ZNF790: variants seen among roughly 807,000 people sequenced by gnomAD.
ZNF790 encodes the protein zinc finger protein 790.
ZNF790 carries 8 observed loss-of-function variants against 12.1 expected under a neutral mutation model. The ratio of observed to expected loss-of-function variants is 0.66; its 90% confidence interval spans 0.39 to 1.19. The LOEUF (loss-of-function observed/expected upper bound fraction) is 1.19. Among genes scored for constraint, ZNF790 ranks in the 50% most tolerant of loss-of-function variants. The pLI, the probability that ZNF790 is intolerant of heterozygous loss-of-function variation, is 0.01. For synonymous variants in ZNF790, 252 were observed against 244.3 expected (o/e 1.03, Z -0.29); for missense variants, 707 against 752.2 (o/e 0.94, Z 0.70).
At chr19:36,839,096 T>C (rs1322905005), upstream of ZNF790, among the ~76,000 whole-genome samples, 1 of 152,250 alleles carries the variant, frequency 6.6e-6, no homozygotes, top group Non-Finnish European at 1.5e-5. Context: ...TATAGTAACA[T>C]TAGTACTGTT....
chr19:36,844,025 A>T (rs74674392), intron 1 of ZNF790, among the ~76,000 whole-genome samples: 5,321 of 130,836 alleles, frequency 0.041, 290 homozygotes, highest in African/African-American at 0.16. Context: ...AAAAAAAATT[A>T]AAAAAAAAAA....
intron 1 of ZNF790, among the ~76,000 whole-genome samples, chr19:36,832,975 T>TAAAA (rs763094890): frequency 7.4e-6 from 1 of 134,678 alleles, no homozygotes; most frequent in Non-Finnish European, 1.6e-5. Flanking sequence ...AGACCTTCTC[T>TAAAA]AAAAAAAAAA....
chr19:36,820,553 CA>C (rs1217034439), intron 4 of ZNF790, among the ~76,000 whole-genome samples: 1 of 152,134 alleles, frequency 6.6e-6, no homozygotes, highest in Admixed American at 6.5e-5. Context: ...ATCTCAATAG[CA>C]GGGTATGCTG....
At chr19:36,826,193 A>G (rs1568337333) in intron 1 of ZNF790, among the ~76,000 whole-genome samples, 1 of 152,136 alleles carries the variant, frequency 6.6e-6, no homozygotes, top group Admixed American at 6.6e-5. Context: ...TTTCATTGAC[A>G]GTGAGCATCA....
chr19:36,823,010 T>C (rs79704433), intron 4 of ZNF790, among the ~76,000 whole-genome samples: 4,722 of 152,152 alleles, frequency 0.031, 213 homozygotes, highest in African/African-American at 0.089. Flanking sequence ...CCGACATGCC[T>C]GGCTAATTTT....
At chr19:36,850,202 G>C (rs964498413) in exon 1 of ZNF790, 3 of 152,226 alleles carry the variant, frequency 2.0e-5, no homozygotes, top group African/African-American at 7.2e-5. Context: ...TGGTCACTGC[G>C]GCCAGACTGC....
At chr19:36,835,145 C>T (rs368135379) in intron 1 of ZNF790, among the ~76,000 whole-genome samples, 5 of 152,230 alleles carry the variant, frequency 3.3e-5, no homozygotes, top group Middle Eastern at 3.4e-3. Context: ...AAAAATTAGC[C>T]GGGCATGTTG....
At chr19:36,827,696 G>A (rs2071860110) in intron 1 of ZNF790, 1 of 152,204 alleles carries the variant, frequency 6.6e-6, no homozygotes, top group South Asian at 2.1e-4. Context: ...TCTCCTAGCA[G>A]AGGAAACAAC....
chr19:36,848,783 G>A (rs1227675468), intron 1 of ZNF790, among the ~76,000 whole-genome samples: 9 of 104,964 alleles, frequency 8.6e-5, no homozygotes, highest in Non-Finnish European at 1.8e-4. Context: ...GCCGAAAGAG[G>A]AGGTCCCCTT....
Position 36,823,795 on chromosome 19 carries a change from T to A in ZNF790, c.10-5A>T, listed in dbSNP as rs774801624. 6.3e-7 allele frequency: 1 copy of A among 1,596,862 alleles called. No homozygotes were observed. Among genetic ancestry groups the A allele is most frequent in the Admixed American group, 1.9e-5 (1 of 54,014 alleles). Reference sequence around the variant, plus strand: ...CACATCCCTGAACATCATCAACTGTTGGAAAGAATAATTCCAAGTATTAAT... The same window carrying A: ...CACATCCCTGAACATCATCAACTGTAGGAAAGAATAATTCCAAGTATTAAT... On this transcript the variant is annotated splice_region_variant and splice_polypyrimidine_tract_variant and intron_variant, in intron 2 of 4. Transcript: ENST00000356725.
Position 36,819,318 on chromosome 19 carries a change from CTCCT to C in ZNF790, c.1022_1025del (p.Lys341SerfsTer12). The stretch of plus-strand genomic sequence containing the variant: ...ATCCACGAGTAAAAGCTTTCCCACA[CTCCT>C]TACATTCATAAGGTTTTTCACCAGT... On this transcript the variant is annotated frameshift_variant, in exon 5 of 5. Transcript: ENST00000356725. LOFTEE classifies it low-confidence loss of function (END_TRUNC). The C allele has an allele frequency of 4.3e-6, 7 of 1,611,108 alleles. No individual in the cohort carries two copies. Among genetic ancestry groups the C allele is most frequent in the Non-Finnish European group, 5.9e-6 (7 of 1,178,294 alleles).
chr19:36,839,464 G>A (rs1331864828), upstream of ZNF790, among the ~76,000 whole-genome samples: 2 of 152,024 alleles, frequency 1.3e-5, no homozygotes, highest in Non-Finnish European at 2.9e-5. Flanking sequence ...ACAGTGGCAC[G>A]ATCTAGGCTC....
Position 36,830,878 on chromosome 19 carries a change from G to A in ZNF790, c.-73-5186C>T, listed in dbSNP as rs537648295. 4.1e-3 allele frequency among the ~76,000 whole-genome samples: 622 copies of A among 152,296 alleles called. 7 individuals carry two copies. The highest frequency in any genetic ancestry group is 5.5e-3 in the Non-Finnish European group (371 of 68,034). ...GTTTTAGGCTGGTGCAGTGGCTCAC[G>A]CCTGTAATCCCAGCACTTTGGGAGG... On this transcript the variant is annotated intron_variant, in intron 1 of 4. Coordinates refer to ENST00000356725, the MANE Select transcript of ZNF790 (RefSeq NM_206894.4).
Position 36,818,910 on chromosome 19 carries a change from A to T in ZNF790, c.1434T>A (p.Tyr478Ter), listed in dbSNP as rs2071602221. 1 of 1,610,708 alleles carries T rather than the reference A, an allele frequency of 6.2e-7. No individual in the cohort carries two copies. The highest frequency in any genetic ancestry group is 8.5e-7 in the Non-Finnish European group (1 of 1,177,804). Reference protein sequence around the residue: ...HQKIHTGERNYECKECGKTFF... With the variant: ...HQKIHTGERN ...AGGTCTTTCCACATTCCTTACATTCATAGTTTCTCTCACCAGTATGAATTT... is the reference window on the plus strand; with the variant it reads ...AGGTCTTTCCACATTCCTTACATTCTTAGTTTCTCTCACCAGTATGAATTT... The change falls in exon 5 of 5, where the codon TAT becomes TAA. Residue 478 changes from tyrosine to a stop codon, truncating the protein, a stop_gained. Coordinates refer to ENST00000356725, the MANE Select transcript of ZNF790 (RefSeq NM_206894.4). LOFTEE classifies it low-confidence loss of function (END_TRUNC).
Position 36,818,370 on chromosome 19 carries a change from AAAAT to A in ZNF790, c.*59_*62del, listed in dbSNP as rs1300158650. ...CATTTGTGGTGTTCCTCAAGAGAAA[AAAAT>A]AAATGACATCAATTAATGAGTCATG... On this transcript the variant is annotated 3_prime_UTR_variant, in exon 5 of 5. Transcript: ENST00000356725. 1 of 1,442,618 alleles carries A rather than the reference AAAAT, an allele frequency of 6.9e-7. No individual in the cohort carries two copies. Among genetic ancestry groups the A allele is most frequent in the Non-Finnish European group, 9.2e-7 (1 of 1,087,288 alleles). 89.4% of individuals were successfully genotyped at this position (1,442,618 alleles called of 1,614,324 possible).
chr19:36,846,299 C>T (rs1041818180), intron 1 of ZNF790, among the ~76,000 whole-genome samples: 1 of 152,160 alleles, frequency 6.6e-6, no homozygotes, highest in African/African-American at 2.4e-5. Context: ...TGGCTCACGC[C>T]TGTAGTCCCA....
At chr19:36,823,026 T>A (rs2071710413) in intron 4 of ZNF790, among the ~76,000 whole-genome samples, 1 of 151,950 alleles carries the variant, frequency 6.6e-6, no homozygotes, top group Non-Finnish European at 1.5e-5. Context: ...ATTTTTTGTA[T>A]TTTTTTGTTT....
chr19:36,825,541 A>G, intron 2 of ZNF790, 70 bp downstream of exon 2: 3 of 1,467,458 alleles, frequency 2.0e-6, no homozygotes, highest in Non-Finnish European at 9.6e-7. Context: ...TTTAAGGATA[A>G]GCAATAAAAA....
In ZNF790 at chr19:36,819,218, T is replaced by A; in HGVS notation, c.1126A>T (p.Ile376Phe). ...TGTTGAGCAAGATTTGAACCACGAA[T>A]AAAGGCTTTTCCACATTCCTTACAC... ...HECKECGKAF[I>F]RGSNLAQHQN... Residue 376 changes from isoleucine to phenylalanine, a missense_variant, in exon 5 of 5, where the codon ATT becomes TTT. Transcript: ENST00000356725. The A allele has an allele frequency of 6.2e-7, 1 of 1,613,826 alleles. No homozygotes were observed.
Sources: gnomAD v4.1 joint callset for allele counts (sites outside exome capture counted in the v4.1 genomes callset) on GRCh38, gnomAD v4.1.1 for gene constraint, MANE v1.5 for transcripts, NCBI Gene and HGNC (gene_info 2026-07-23, HGNC 2026-07-21) for gene names.